PCDH11X: variants seen among roughly 807,000 people sequenced by gnomAD.
The protein encoded by PCDH11X is protocadherin 11 X-linked, also known as protocadherin-11 X-linked.
In PCDH11X, 18 loss-of-function variants were observed where a neutral mutation model predicts 53.3. That is an observed-to-expected ratio of 0.34 (90% CI 0.23 to 0.50). The LOEUF is 0.50. PCDH11X is among the 20% of genes least tolerant of loss of function. The probability of loss-of-function intolerance (pLI) is 0.98; values close to 1 mark genes in which losing one functional copy is unlikely to be tolerated. For synonymous variants in PCDH11X, 279 were observed against 393.3 expected (o/e 0.71, Z 3.44); for missense variants, 570 against 1,032.4 (o/e 0.55, Z 6.14).
intron 4 of PCDH11X, among the ~76,000 whole-genome samples, chrX:91,817,375 T>G (rs1026001593): frequency 2.9e-5 from 3 of 101,783 alleles, no homozygotes; most frequent in African/African-American, 1.1e-4. Context: ...AAAATACTAC[T>G]CATTCCTAAA....
intron 7 of PCDH11X, among the ~76,000 whole-genome samples, chrX:92,224,056 G>A (rs1050381254): frequency 6.3e-5 from 7 of 111,756 alleles, no homozygotes; most frequent in African/African-American, 9.8e-5. Flanking sequence ...TTTCTATAAG[G>A]AAGTGTCTTA....
chrX:92,591,746 T>C (rs1038550757), intron 10 of PCDH11X, among the ~76,000 whole-genome samples: 1 of 111,449 alleles, frequency 9.0e-6, no homozygotes, highest in Non-Finnish European at 1.9e-5. Flanking sequence ...TGAATCAGCA[T>C]GTTCTTCATC....
chrX:92,177,797 G>A (rs2065933885), intron 6 of PCDH11X, among the ~76,000 whole-genome samples: 1 of 110,399 alleles, frequency 9.1e-6, no homozygotes, highest in African/African-American at 3.3e-5. Flanking sequence ...CTTATTTATG[G>A]ATACATATAT....
intron 7 of PCDH11X, among the ~76,000 whole-genome samples, chrX:92,212,292 G>A (rs972150045): frequency 1.8e-5 from 2 of 111,421 alleles, no homozygotes; most frequent in Middle Eastern, 4.7e-3. Context: ...GATTACAGAC[G>A]TGAGTCACAG....
At chrX:92,412,541 A>AGC (rs2071708141) in intron 9 of PCDH11X, among the ~76,000 whole-genome samples, 1 of 96,184 alleles carries the variant, frequency 1.0e-5, no homozygotes, top group Non-Finnish European at 2.1e-5. Context: ...ATATATATAT[A>AGC]TATATATATA....
intron 10 of PCDH11X, among the ~76,000 whole-genome samples, chrX:92,507,684 T>A (rs965021249): frequency 1.2e-4 from 13 of 112,121 alleles, no homozygotes; most frequent in Non-Finnish European, 2.3e-4. Context: ...TGTTTGATGC[T>A]GGCCTTGAAA....
At chrX:92,020,500 C>G (rs952246440) in intron 6 of PCDH11X, among the ~76,000 whole-genome samples, 1 of 111,477 alleles carries the variant, frequency 9.0e-6, no homozygotes, top group African/African-American at 3.3e-5. Context: ...CCTGCAGGAA[C>G]TCCAACTCTA....
intron 9 of PCDH11X, among the ~76,000 whole-genome samples, chrX:92,430,545 C>A (rs1357962498): frequency 1.1e-5 from 1 of 94,043 alleles, no homozygotes; most frequent in Non-Finnish European, 2.3e-5. Flanking sequence ...TGTGGTTGAA[C>A]TTTGACCATT....
At chrX:92,027,093 T>C (rs1187614048) in intron 6 of PCDH11X, among the ~76,000 whole-genome samples, 1 of 111,646 alleles carries the variant, frequency 9.0e-6, no homozygotes, top group Non-Finnish European at 1.9e-5. Context: ...AAATATCCAG[T>C]ATTTGTGCAT....
rs2073031583 is a variant in PCDH11X, at chrX:92,461,021, A to G, written c.3344-7278A>G. 5.4e-6 allele frequency: 3 copies of G among 557,863 alleles called. No homozygotes were observed. In the South Asian group the frequency reaches 8.5e-5, roughly 16 times the overall value. The allele number at this position is 557,863 out of a possible 1,213,427, so 46.0% of individuals were successfully genotyped here. On this transcript the variant is annotated intron_variant, in intron 9 of 10. Transcript: ENST00000682573. ...AAAAGTACAGAGTTAAAAAAAAAAA[A>G]GATTTAAACAATGAAAACTATAAAA...
intron 6 of PCDH11X, among the ~76,000 whole-genome samples, chrX:92,191,735 G>C (rs1287832855): frequency 8.9e-6 from 1 of 112,051 alleles, no homozygotes; most frequent in Admixed American, 9.5e-5. Context: ...TTTTAATTAA[G>C]AGCTTAGTGT....
chrX:91,828,806 T>A (rs1411439372), intron 4 of PCDH11X, among the ~76,000 whole-genome samples: 1 of 111,656 alleles, frequency 9.0e-6, no homozygotes, highest in Non-Finnish European at 1.9e-5. Context: ...TGAATGCAAC[T>A]ATTAAAGTCA....
intron 6 of PCDH11X, among the ~76,000 whole-genome samples, chrX:92,175,516 T>A (rs1237548810): frequency 2.7e-5 from 3 of 109,609 alleles, no homozygotes; most frequent in Non-Finnish European, 3.8e-5. Context: ...GTTAAAAAAA[T>A]TTTCTAAATT....
Position 92,317,611 on chromosome X carries a change from A to G in PCDH11X, c.3144+54468A>G, listed in dbSNP as rs189265964. Among the ~76,000 whole-genome samples, 699 of 111,391 alleles carry G rather than the reference A, an allele frequency of 6.3e-3. 9 individuals are homozygous for G. Among genetic ancestry groups the G allele is most frequent in the African/African-American group, 0.022 (678 of 30,775 alleles). On this transcript the variant is annotated intron_variant, in intron 8 of 10. Transcript: ENST00000682573. ...CAAATGTGGGGAATAAATCTATAGC[A>G]TATTTTGAACCAAGATTTAAAATTC...
At chrX:92,000,035 A>G (rs2147959571) in intron 6 of PCDH11X, among the ~76,000 whole-genome samples, 1 of 111,855 alleles carries the variant, frequency 8.9e-6, no homozygotes, top group East Asian at 2.8e-4. Flanking sequence ...GGGGTGTAAA[A>G]ACATGAGTCA....
chrX:92,344,650 G>GTATTTATGCATTAA (rs1463241592), intron 8 of PCDH11X, among the ~76,000 whole-genome samples: 1 of 97,562 alleles, frequency 1.0e-5, no homozygotes, highest in East Asian at 4.4e-4. Context: ...ACATCAACAA[G>GTATTTATGCATTAA]GCAGAGAAAA....
At chrX:92,115,809 T>C (rs2064627034) in intron 6 of PCDH11X, among the ~76,000 whole-genome samples, 1 of 109,114 alleles carries the variant, frequency 9.2e-6, no homozygotes, top group Admixed American at 9.9e-5. Context: ...GGCAGGTGAT[T>C]GGATGATGCC....
intron 6 of PCDH11X, among the ~76,000 whole-genome samples, chrX:91,887,478 T>A (rs183721271): frequency 1.4e-4 from 16 of 112,000 alleles, no homozygotes; most frequent in African/African-American, 5.2e-4. Flanking sequence ...TGGTTTAATG[T>A]ATTTAGAATT....
intron 9 of PCDH11X, among the ~76,000 whole-genome samples, chrX:92,422,583 A>T (rs1168069062): frequency 2.0e-4 from 22 of 111,562 alleles, no homozygotes; most frequent in Non-Finnish European, 3.0e-4. Flanking sequence ...TTGGTTATAT[A>T]TTTTTGAAAT....
Sources: gnomAD v4.1 joint callset for allele counts (sites outside exome capture counted in the v4.1 genomes callset) on GRCh38, gnomAD v4.1.1 for gene constraint, MANE v1.5 for transcripts, NCBI Gene and HGNC (gene_info 2026-07-23, HGNC 2026-07-21) for gene names.